L3MBTL3: variants seen among roughly 807,000 people sequenced by gnomAD.
L3MBTL3 encodes lethal(3)malignant brain tumor-like protein 3.
A neutral mutation model predicts 102.3 loss-of-function variants in L3MBTL3; 27 were observed. The observed-to-expected ratio is 0.26, with a 90% CI of 0.19 to 0.36. L3MBTL3 has a LOEUF of 0.36. Among genes scored for constraint, L3MBTL3 ranks in the 10% least tolerant of loss-of-function variants. The pLI, the probability that L3MBTL3 is intolerant of heterozygous loss-of-function variation, is 1.00. For missense variants in L3MBTL3, 798 were observed against 955.3 expected (o/e 0.84, Z 2.17); for synonymous variants, 340 against 320.9 (o/e 1.06, Z -0.64).
chr6:130,137,973 A>G (rs1256548869), intron 22 of L3MBTL3: 1 of 152,234 alleles, frequency 6.6e-6, no homozygotes, highest in Non-Finnish European at 1.5e-5. Flanking sequence ...ACACTTGGAG[A>G]TTAACACTGG....
chr6:130,026,009 T>A (rs1779317805), intron 2 of L3MBTL3, among the ~76,000 whole-genome samples: 1 of 152,072 alleles, frequency 6.6e-6, no homozygotes, highest in African/African-American at 2.4e-5. Context: ...TGTGGGTGAA[T>A]GGTAGATAAA....
At chr6:130,022,332 G>C (rs1779067569) in intron 2 of L3MBTL3, 27 bp downstream of exon 2, 1 of 152,214 alleles carries the variant, frequency 6.6e-6, no homozygotes. Context: ...GAAATAAATT[G>C]CTTGACATAC....
intron 14 of L3MBTL3, among the ~76,000 whole-genome samples, chr6:130,079,955 G>A (rs1783210812): frequency 6.6e-6 from 1 of 152,080 alleles, no homozygotes; most frequent in South Asian, 2.1e-4. Flanking sequence ...AATCATGAAG[G>A]GTTAAAGCAA....
At chr6:130,045,900 A>G (rs1007195190) in intron 3 of L3MBTL3, among the ~76,000 whole-genome samples, 3 of 152,224 alleles carry the variant, frequency 2.0e-5, no homozygotes, top group Non-Finnish European at 4.4e-5. Context: ...ACATTCTTGA[A>G]AATATTATAG....
chr6:130,126,888 A>G (rs565150503), intron 20 of L3MBTL3, among the ~76,000 whole-genome samples: 2 of 152,302 alleles, frequency 1.3e-5, no homozygotes, highest in Admixed American at 6.5e-5. Flanking sequence ...ACTCAAGTCC[A>G]ATGGTTGAAG....
chr6:130,069,624 T>C (rs1037171277), intron 12 of L3MBTL3, among the ~76,000 whole-genome samples: 3 of 152,206 alleles, frequency 2.0e-5, no homozygotes, highest in Admixed American at 1.3e-4. Context: ...TCAAAACTTA[T>C]CCCAGGGAGG....
rs376919786 is a variant in L3MBTL3 at position 130,086,134 on chromosome 6, T to G, written c.1408-6T>G. 67 of 1,600,206 alleles carry G rather than the reference T, an allele frequency of 4.2e-5. 2 individuals are homozygous for G. The South Asian group carries it at 7.3e-4, about 17-fold the overall frequency. On this transcript the variant is annotated splice_region_variant and splice_polypyrimidine_tract_variant and intron_variant, in intron 15 of 22. Coordinates refer to ENST00000361794, the MANE Select transcript of L3MBTL3 (RefSeq NM_032438.4). The stretch of plus-strand genomic sequence containing the variant: ...TCTCACTCTGTAAAATTTTTTTTTG[T>G]GGCAGAAACCTCCTCATGGATTCCA...
chr6:130,094,260 C>A lies in L3MBTL3; in HGVS notation c.1634-5C>A. On this transcript the variant is annotated splice_region_variant and splice_polypyrimidine_tract_variant and intron_variant, in intron 17 of 22. Transcript: ENST00000361794. The stretch of plus-strand genomic sequence containing the variant: ...CCCTTCTTTCTTTTCTTTGCTCTTT[C>A]ATAGGCCCCTTAGAATTAATGGAAG... 1 of 1,609,242 alleles carries A rather than the reference C, an allele frequency of 6.2e-7. No homozygotes were observed. The highest frequency in any genetic ancestry group is 8.5e-7 in the Non-Finnish European group (1 of 1,176,592).
intron 2 of L3MBTL3, among the ~76,000 whole-genome samples, chr6:130,040,637 T>C (rs1270628134): frequency 6.6e-6 from 1 of 152,198 alleles, no homozygotes; most frequent in African/African-American, 2.4e-5. Flanking sequence ...AATTGGCAGC[T>C]ACAAATACTG....
intron 20 of L3MBTL3, among the ~76,000 whole-genome samples, chr6:130,131,295 A>T (rs551517984): frequency 6.6e-6 from 1 of 152,232 alleles, no homozygotes; most frequent in Non-Finnish European, 1.5e-5. Context: ...ATGTGATACC[A>T]CTATACACCC....
chr6:130,105,819 G>A (rs1174708057), intron 19 of L3MBTL3, among the ~76,000 whole-genome samples: 3 of 152,172 alleles, frequency 2.0e-5, no homozygotes, highest in African/African-American at 7.2e-5. Flanking sequence ...GGTAGTGCCT[G>A]TTGTAGGTTT....
At chr6:130,128,418 G>A (rs56351929) in intron 20 of L3MBTL3, among the ~76,000 whole-genome samples, 3,376 of 152,190 alleles carry the variant, frequency 0.022, 102 homozygotes, top group African/African-American at 0.077. Context: ...TGGAAGGCTA[G>A]CCATTAAAGT....
intron 16 of L3MBTL3, 97 bp from the exon 17 acceptor site, chr6:130,092,648 A>G (rs1263813068): frequency 1.5e-6 from 1 of 681,710 alleles, no homozygotes; most frequent in African/African-American, 1.8e-5. Context: ...AATCTACTGT[A>G]TGTGTTAGAA....
chr6:130,053,506 G>C (rs1054661548), intron 7 of L3MBTL3, among the ~76,000 whole-genome samples: 6 of 152,154 alleles, frequency 3.9e-5, no homozygotes, highest in East Asian at 1.9e-4. Flanking sequence ...GTGGTGGCAG[G>C]CTCCTGTAGT....
intron 7 of L3MBTL3, 91 bp from the exon 8 acceptor site, chr6:130,055,079 CA>C: frequency 1.1e-6 from 1 of 883,166 alleles, no homozygotes; most frequent in Non-Finnish European, 1.9e-6. Flanking sequence ...AAGAAAAGAA[CA>C]ACAGAAAAAG....
chr6:130,031,754 T>TA (rs1481752132), intron 2 of L3MBTL3, among the ~76,000 whole-genome samples: 1 of 152,152 alleles, frequency 6.6e-6, no homozygotes, highest in East Asian at 1.9e-4. Flanking sequence ...CCTTCACTGT[T>TA]ACTTCAGATG....
intron 19 of L3MBTL3, 31 bp downstream of exon 19, chr6:130,104,606 A>G: frequency 1.4e-6 from 2 of 1,446,190 alleles, no homozygotes; most frequent in Middle Eastern, 1.8e-4. Context: ...AGCATTGTTT[A>G]GAAGTACTCT....
intron 20 of L3MBTL3, among the ~76,000 whole-genome samples, chr6:130,127,825 T>A (rs1238538381): frequency 1.3e-5 from 2 of 152,174 alleles, no homozygotes; most frequent in Non-Finnish European, 2.9e-5. Flanking sequence ...CATTAAGTAG[T>A]TTATTTAATA....
At chr6:130,056,172 C>T (rs1219375516) in intron 8 of L3MBTL3, among the ~76,000 whole-genome samples, 1 of 152,178 alleles carries the variant, frequency 6.6e-6, no homozygotes, top group African/African-American at 2.4e-5. Flanking sequence ...AAGCCATCTG[C>T]CCGTGTCTAC....
Sources: allele counts gnomAD v4.1 joint callset (sites outside exome capture counted in the v4.1 genomes callset), GRCh38; gene constraint gnomAD v4.1.1; transcripts MANE v1.5; gene names NCBI Gene and HGNC (gene_info 2026-07-23, HGNC 2026-07-21).